RGS6: variants seen among roughly 807,000 people sequenced by gnomAD.
The protein encoded by RGS6 is regulator of G protein signaling 6.
In RGS6, 30 loss-of-function variants were observed where a neutral mutation model predicts 78.5. The ratio of observed to expected loss-of-function variants is 0.38; its 90% CI spans 0.29 to 0.52. The LOEUF is 0.52. Ranked by LOEUF, RGS6 falls within the 20% of genes least tolerant of loss-of-function variation. The pLI is 0.85. For synonymous variants in RGS6, 206 were observed against 206.0 expected, an observed-to-expected ratio of 1.00 and a Z score of 0.00; for missense variants, 495 against 609.7, an observed-to-expected ratio of 0.81 and a Z score of 1.98.
chr14:72,327,461 T>A (rs2074055071), intron 2 of RGS6, among the ~76,000 whole-genome samples: 1 of 152,236 alleles, frequency 6.6e-6, no homozygotes, highest in African/African-American at 2.4e-5. Context: ...ATAAGGTGCA[T>A]TATTGTGCTT....
intron 2 of RGS6, among the ~76,000 whole-genome samples, chr14:71,983,133 G>T (rs1473382958): frequency 6.6e-6 from 1 of 152,184 alleles, no homozygotes; most frequent in Admixed American, 6.5e-5. Flanking sequence ...GATCTGGACT[G>T]GGCATCTGGA....
chr14:72,093,274 C>T (rs754111476), intron 2 of RGS6, among the ~76,000 whole-genome samples: 2 of 152,176 alleles, frequency 1.3e-5, no homozygotes, highest in Non-Finnish European at 2.9e-5. Flanking sequence ...CAGGATCTCA[C>T]TCTGTCACCC....
At chr14:72,100,638 C>A (rs2095509723) in intron 2 of RGS6, among the ~76,000 whole-genome samples, 1 of 152,208 alleles carries the variant, frequency 6.6e-6, no homozygotes, top group Non-Finnish European at 1.5e-5. Context: ...CGACAAGGAG[C>A]TCCCAGTGTC....
chr14:72,200,253 C>T (rs2153735169), intron 2 of RGS6, among the ~76,000 whole-genome samples: 1 of 152,224 alleles, frequency 6.6e-6, no homozygotes. Flanking sequence ...TTCAGGAGCC[C>T]CACCTGCCAG....
At chr14:72,409,809 C>G (rs962471732) in intron 3 of RGS6, among the ~76,000 whole-genome samples, 9 of 152,038 alleles carry the variant, frequency 5.9e-5, no homozygotes, top group African/African-American at 1.7e-4. Context: ...TGAGAACATG[C>G]AGCGTTTGGT....
At chr14:72,606,234 C>A in the RGS6 span, among the ~76,000 whole-genome samples, 43 of 152,100 alleles carry the variant, frequency 2.8e-4, no homozygotes, top group East Asian at 1.5e-3. Context: ...ACTCTGGGGG[C>A]TGGAAGACAG....
chr14:72,181,275 C>A (rs933044329), intron 2 of RGS6, among the ~76,000 whole-genome samples: 5 of 152,144 alleles, frequency 3.3e-5, no homozygotes, highest in Non-Finnish European at 5.9e-5. Flanking sequence ...AAATAATTTT[C>A]TTTGCTGGGT....
At chr14:71,964,361 C>CTGGGTGTGGTGGCACA (rs1222592730) in intron 1 of RGS6, among the ~76,000 whole-genome samples, 1 of 152,102 alleles carries the variant, frequency 6.6e-6, no homozygotes, top group Non-Finnish European at 1.5e-5. Context: ...ACAAAAATAG[C>CTGGGTGTGGTGGCACA]TGGGTGTGGT....
intron 2 of RGS6, among the ~76,000 whole-genome samples, chr14:72,288,866 A>G (rs1200381401): frequency 2.6e-5 from 4 of 152,154 alleles, no homozygotes; most frequent in African/African-American, 9.7e-5. Flanking sequence ...AAAGGGCAAC[A>G]GTTTTCCTGC....
chr14:72,507,583 T>C (rs1037393718), intron 13 of RGS6, among the ~76,000 whole-genome samples: 7 of 152,164 alleles, frequency 4.6e-5, no homozygotes, highest in Admixed American at 1.3e-4. Flanking sequence ...ACATCTACAG[T>C]GACACCCCAA....
At chr14:71,893,612 A>C in the RGS6 span, among the ~76,000 whole-genome samples, 1 of 152,180 alleles carries the variant, frequency 6.6e-6, no homozygotes, top group Non-Finnish European at 1.5e-5. Context: ...GAGGGAAGGG[A>C]CAGATTGGGT....
intron 3 of RGS6, among the ~76,000 whole-genome samples, chr14:72,412,134 A>G (rs1479207459): frequency 6.6e-6 from 1 of 152,212 alleles, no homozygotes; most frequent in Non-Finnish European, 1.5e-5. Context: ...ATGGTTTCAG[A>G]AGGAATGGTA....
At chr14:72,241,806 A>C (rs966741838) in intron 2 of RGS6, among the ~76,000 whole-genome samples, 1 of 152,246 alleles carries the variant, frequency 6.6e-6, no homozygotes. Context: ...CAAGTTCTTG[A>C]TACATACTGA....
chr14:72,188,401 C>T lies in RGS6; in HGVS notation c.85-163694C>T, dbSNP rs565282691. Among the ~76,000 whole-genome samples the T allele has an allele frequency of 3.3e-5, 5 of 152,238 alleles. No homozygotes were observed. In the South Asian group the frequency reaches 6.2e-4, roughly 19 times the overall value. On this transcript the variant is annotated intron_variant, in intron 2 of 17. Transcript: ENST00000553525. ...AGGCTAACCTACCCCTTGGAGTTGA[C>T]GTGAGGATCTCATGAGCTAATGCCC... is the stretch of plus-strand genomic sequence containing the variant.
At chr14:72,295,344 A>C (rs1474607636) in intron 2 of RGS6, among the ~76,000 whole-genome samples, 2 of 151,886 alleles carry the variant, frequency 1.3e-5, no homozygotes, top group East Asian at 3.9e-4. Flanking sequence ...CTAGAACTCC[A>C]GTATACGCAA....
intron 3 of RGS6, among the ~76,000 whole-genome samples, chr14:72,431,733 C>T (rs906655463): frequency 6.6e-6 from 1 of 152,038 alleles, no homozygotes; most frequent in Non-Finnish European, 1.5e-5. Flanking sequence ...TTTCCAAGGT[C>T]CCTGCACCCA....
At chr14:72,551,188 A>T (rs2097501698) in intron 17 of RGS6, among the ~76,000 whole-genome samples, 1 of 152,094 alleles carries the variant, frequency 6.6e-6, no homozygotes, top group South Asian at 2.1e-4. Context: ...CATGAGAAGG[A>T]CCATCAAGGA....
intron 15 of RGS6, among the ~76,000 whole-genome samples, chr14:72,534,524 G>C (rs1302885738): frequency 1.3e-5 from 2 of 152,160 alleles, no homozygotes; most frequent in African/African-American, 2.4e-5. Context: ...CAAATGACAG[G>C]ATTTCCTTCT....
chr14:72,268,009 T>C (rs1595046889), intron 2 of RGS6, among the ~76,000 whole-genome samples: 1 of 152,228 alleles, frequency 6.6e-6, no homozygotes, highest in Non-Finnish European at 1.5e-5. Flanking sequence ...CCCTAGAAGA[T>C]GTACTGGAAG....
Sources: allele counts gnomAD v4.1 joint callset (sites outside exome capture counted in the v4.1 genomes callset), GRCh38; gene constraint gnomAD v4.1.1; transcripts MANE v1.5; gene names NCBI Gene and HGNC (gene_info 2026-07-23, HGNC 2026-07-21).